ZNF124: variants seen among roughly 807,000 people sequenced by gnomAD.
ZNF124 encodes the protein zinc finger protein HZF-16.
A neutral mutation model predicts 26.6 loss-of-function variants in ZNF124; 25 were observed. That is an observed-to-expected ratio of 0.94 (90% confidence interval 0.68 to 1.31). ZNF124 has a LOEUF of 1.31. ZNF124 is among the 40% of genes most tolerant of loss of function. ZNF124 has a pLI of 0.00. For missense variants in ZNF124, 444 were observed against 422.2 expected, an observed-to-expected ratio of 1.05 and a Z score of -0.45; for synonymous variants, 129 against 133.3, an observed-to-expected ratio of 0.97 and a Z score of 0.22.
rs757488190 is a variant in ZNF124, at chr1:247,156,943, T to G, written c.679A>C (p.Thr227Pro). 12 of 1,613,366 alleles carry G rather than the reference T, an allele frequency of 7.4e-6. No homozygotes were observed. The highest frequency in any genetic ancestry group is 1.0e-5 in the Non-Finnish European group (12 of 1,179,542). Residue 227 changes from threonine to proline, a missense_variant, in exon 4 of 4, where the codon ACT (threonine) becomes CCT (proline). Thr to Pro is a conservative substitution (Grantham distance 38, BLOSUM62 -1). Coordinates refer to ENST00000543802, the MANE Select transcript of ZNF124 (RefSeq NM_001297568.2). ...ACATAAGGTTTCTCTCCAGTGTGAG[T>G]TCTTTCATGGTAATGAAGGCAATTG... Reference protein sequence around the residue: ...YSNCLHYHERTHTGEKPYVCM... With the variant: ...YSNCLHYHERPHTGEKPYVCM...
intron 2 of ZNF124, 104 bp downstream of exon 2, chr1:247,159,583 C>T (rs1673355316): frequency 8.1e-7 from 1 of 1,239,256 alleles, no homozygotes; most frequent in Non-Finnish European, 1.1e-6. Context: ...CTCATTCACT[C>T]ATCAAAGTGT....
At chr1:247,135,096 C>T (rs900295353) in intron 3 of ZNF124, among the ~76,000 whole-genome samples, 1 of 152,052 alleles carries the variant, frequency 6.6e-6, no homozygotes, top group Non-Finnish European at 1.5e-5. Context: ...ACAGCTAAAA[C>T]AATGTTAAGA....
Position 247,157,248 on chromosome 1 carries a change from G to A in ZNF124, c.374C>T (p.Thr125Ile), listed in dbSNP as rs753788354. ...AATATTAAAAACTTTCTCACATATT[G>A]TACAACCATAATGTCCATTTCCAGT... ...MHTGNGHYGC[T>I]ICEKVFNIPS... is the part of the protein sequence containing the mutation. Residue 125 changes from threonine (T) to isoleucine (I), a missense_variant, in exon 4 of 4, where the codon ACA becomes ATA. Thr to Ile is a moderately conservative substitution (Grantham distance 89). Coordinates refer to ENST00000543802, the MANE Select transcript of ZNF124 (RefSeq NM_001297568.2). The A allele has an allele frequency of 6.2e-7, 1 of 1,613,878 alleles. No homozygotes were observed.
downstream of ZNF124, among the ~76,000 whole-genome samples, chr1:247,153,239 T>C (rs1672998512): frequency 6.6e-6 from 1 of 152,188 alleles, no homozygotes; most frequent in South Asian, 2.1e-4. Flanking sequence ...GTTTCCAACA[T>C]GTAAATGTAC....
intron 3 of ZNF124, among the ~76,000 whole-genome samples, chr1:247,136,133 T>C (rs1387340752): frequency 6.6e-6 from 1 of 152,138 alleles, no homozygotes; most frequent in Non-Finnish European, 1.5e-5. Flanking sequence ...AAGGATGACC[T>C]CTCTCACCAC....
At chr1:247,153,958 C>T (rs1673018137), downstream of ZNF124, among the ~76,000 whole-genome samples, 1 of 152,194 alleles carries the variant, frequency 6.6e-6, no homozygotes, top group Admixed American at 6.5e-5. Context: ...TATGGATATG[C>T]ACCTCATCAG....
At chr1:247,157,544 G>A (rs1342879781) in intron 3 of ZNF124, 141 bp from the exon 4 acceptor site, 2 of 739,864 alleles carry the variant, frequency 2.7e-6, no homozygotes, top group East Asian at 5.4e-5. Context: ...ATTTTACACA[G>A]TATGTCTATC....
At chr1:247,148,804 CA>C (rs5782416) in intron 3 of ZNF124, among the ~76,000 whole-genome samples, 70,893 of 146,940 alleles carry the variant, frequency 0.48, 19,918 homozygotes, top group African/African-American at 0.8. Flanking sequence ...ACTAAAAATA[CA>C]AAAAAAAAAA....
chr1:247,145,829 A>G (rs1325243342), intron 3 of ZNF124, among the ~76,000 whole-genome samples: 1 of 151,964 alleles, frequency 6.6e-6, no homozygotes, highest in Admixed American at 6.6e-5. Context: ...GGGTTTCACC[A>G]TGTTGGCCAA....
rs747116660 is a variant in ZNF124, at chr1:247,156,862, TTA to T, written c.758_759del (p.Ile253LysfsTer6). 1.9e-6 allele frequency: 3 copies of T among 1,614,084 alleles called. No homozygotes were observed. Among genetic ancestry groups the T allele is most frequent in the South Asian group, 2.2e-5 (2 of 91,094 alleles). On this transcript the variant is annotated frameshift_variant, in exon 4 of 4. Transcript: ENST00000543802. LOFTEE classifies it high-confidence loss of function. Reference sequence around the variant, plus strand: ...TAGGGTTCTTCACCAGCATGAGCCTTTATATGTCCTTGCAAGGAACTGAGACA... The same window carrying T: ...TAGGGTTCTTCACCAGCATGAGCCTTTATGTCCTTGCAAGGAACTGAGACA... ...FSCLSSLQGH[I>X]KAHAGEEPYP...
chr1:247,125,656 T>A (rs1672199298), intron 3 of ZNF124, among the ~76,000 whole-genome samples: 1 of 102,330 alleles, frequency 9.8e-6, no homozygotes, highest in East Asian at 2.2e-4. Flanking sequence ...GGTCTCCAAC[T>A]CCTGACCTCG....
At chr1:247,164,968 ATT>A (rs753255072) in intron 1 of ZNF124, among the ~76,000 whole-genome samples, 225 of 146,578 alleles carry the variant, frequency 1.5e-3, no homozygotes, top group Admixed American at 4.0e-3. Flanking sequence ...CGACCATCTG[ATT>A]TTTTTTTTTT....
chr1:247,137,116 C>T (rs958072733), intron 3 of ZNF124, among the ~76,000 whole-genome samples: 6 of 151,586 alleles, frequency 4.0e-5, no homozygotes, highest in South Asian at 2.1e-4. Flanking sequence ...TATAGACCAA[C>T]GGAGCAGAAC....
rs1397259088 is a variant in ZNF124, at chr1:247,156,520, A to T, written c.*46T>A. 6.7e-7 allele frequency: 1 copy of T among 1,490,944 alleles called. No homozygotes were observed. Among genetic ancestry groups the T allele is most frequent in the Admixed American group, 2.5e-5 (1 of 40,274 alleles). 92.4% of individuals were successfully genotyped at this position (1,490,944 alleles called of 1,614,324 possible). A position where few individuals can be genotyped will look rare whatever the true frequency, so the allele number is the denominator to read the frequency against. ...CTTACATTCACAGTTTCTCTCAAGT[A>T]TGTGACTGTTCATGTTTTTGACAAA... is the stretch of plus-strand genomic sequence containing the variant. On this transcript the variant is annotated 3_prime_UTR_variant, in exon 4 of 4. Coordinates refer to ENST00000543802, the MANE Select transcript of ZNF124 (RefSeq NM_001297568.2).
chr1:247,159,753 C>T lies in ZNF124; in HGVS notation c.91G>A (p.Asp31Asn). The change falls in exon 2 of 4, where the codon GAT becomes AAT. Residue 31 changes from aspartate to asparagine, a missense_variant. Asp to Asn is a conservative substitution (Grantham distance 23). Transcript: ENST00000543802. ...NFTQEEWALLDPSQKNLYRDV... is the reference protein window; with the variant it reads ...NFTQEEWALLNPSQKNLYRDV... ...CTATAGAGATTCTTCTGGGAAGGAT[C>T]CAACAAAGCCCACTCCTCCTGGGTG... The T allele has an allele frequency of 6.2e-7, 1 of 1,613,786 alleles. No homozygotes were observed. The highest frequency in any genetic ancestry group is 8.5e-7 in the Non-Finnish European group (1 of 1,179,928).
At chr1:247,131,811 C>T (rs142741382) in intron 3 of ZNF124, among the ~76,000 whole-genome samples, 133 of 152,278 alleles carry the variant, frequency 8.7e-4, no homozygotes, top group African/African-American at 3.0e-3. Flanking sequence ...GAGGGGTGGC[C>T]GCAGTCTCTG....
chr1:247,138,769 T>C (rs1672552819), intron 3 of ZNF124: 2 of 398,258 alleles, frequency 5.0e-6, no homozygotes, highest in Non-Finnish European at 8.8e-6. Context: ...TGTAGGAAAA[T>C]TGAAAGTGTA....
intron 3 of ZNF124, among the ~76,000 whole-genome samples, chr1:247,139,583 T>G (rs879807053): frequency 1.3e-5 from 2 of 152,234 alleles, no homozygotes; most frequent in Admixed American, 1.3e-4. Flanking sequence ...GGTTGCTTTA[T>G]AGTGTCACTG....
Position 247,156,500 on chromosome 1 carries a change from A to T in ZNF124, c.*66T>A. On this transcript the variant is annotated 3_prime_UTR_variant, in exon 4 of 4. Transcript: ENST00000543802. ...AATTAAGTACTTTCCTACACCTTAC[A>T]TTCACAGTTTCTCTCAAGTATGTGA... 1 of 1,458,722 alleles carries T rather than the reference A, an allele frequency of 6.9e-7. No individual in the cohort carries two copies. The highest frequency in any genetic ancestry group is 9.0e-7 in the Non-Finnish European group (1 of 1,106,092). The allele number at this position is 1,458,722 out of a possible 1,614,324, so 90.4% of individuals were successfully genotyped here. A position where few individuals can be genotyped will look rare whatever the true frequency, so the allele number is the denominator to read the frequency against.
Sources: gnomAD v4.1 joint callset for allele counts (sites outside exome capture counted in the v4.1 genomes callset) on GRCh38, gnomAD v4.1.1 for gene constraint, MANE v1.5 for transcripts, NCBI Gene and HGNC (gene_info 2026-07-23, HGNC 2026-07-21) for gene names.